The following SRGAP2 variants were observed in gnomAD, a reference collection of about 807,000 sequenced individuals.
SRGAP2 encodes SLIT-ROBO Rho GTPase activating protein 2, also known as SLIT-ROBO Rho GTPase-activating protein 2.
Under a neutral mutation model 57.2 loss-of-function variants are expected in SRGAP2, and 15 were observed. That is an observed-to-expected ratio of 0.26 (90% CI 0.18 to 0.40). The LOEUF (loss-of-function observed/expected upper bound fraction) is 0.40, where lower values mean the gene tolerates loss of function less well. Among genes scored for constraint, SRGAP2 ranks in the 10% least tolerant of loss-of-function variants. The pLI is 1.00. For synonymous variants in SRGAP2, 249 were observed against 248.0 expected (o/e 1.00, Z -0.04); for missense variants, 520 against 669.6 (o/e 0.78, Z 2.47).
chr1:206,430,296 A>G (rs1222489057), intron 14 of SRGAP2, 74 bp downstream of exon 14: 7 of 767,038 alleles, frequency 9.1e-6, no homozygotes, highest in Admixed American at 8.6e-5. Flanking sequence ...TTGTAGAGTA[A>G]GAATAGAGAT....
intron 2 of SRGAP2, among the ~76,000 whole-genome samples, chr1:206,222,878 G>A (rs1232932752): frequency 6.7e-6 from 1 of 149,698 alleles, no homozygotes; most frequent in African/African-American, 2.5e-5. Context: ...GATAAACTGA[G>A]ATAATATATG....
chr1:206,341,833 A>G (rs1571904942), intron 3 of SRGAP2, among the ~76,000 whole-genome samples: 1 of 152,142 alleles, frequency 6.6e-6, no homozygotes, highest in Non-Finnish European at 1.5e-5. Flanking sequence ...ACCCATCTCT[A>G]CTAAAAATAC....
intron 3 of SRGAP2, among the ~76,000 whole-genome samples, chr1:206,341,626 T>C (rs1263463122): frequency 1.3e-5 from 2 of 151,918 alleles, no homozygotes; most frequent in African/African-American, 4.8e-5. Flanking sequence ...AACTTCCAAA[T>C]GTAGAACTTT....
At chr1:206,266,642 A>G (rs1669867157) in intron 2 of SRGAP2, among the ~76,000 whole-genome samples, 1 of 152,056 alleles carries the variant, frequency 6.6e-6, no homozygotes, top group Non-Finnish European at 1.5e-5. Context: ...AGAAAAATAG[A>G]TGGAGCCCTG....
intron 8 of SRGAP2, among the ~76,000 whole-genome samples, chr1:206,404,751 C>T (rs1451186835): frequency 2.0e-5 from 3 of 152,348 alleles, no homozygotes; most frequent in Non-Finnish European, 2.9e-5. Context: ...CCTGGCTTCA[C>T]GCTTTCTCAT....
intron 4 of SRGAP2, among the ~76,000 whole-genome samples, chr1:206,355,592 G>A (rs375813496): frequency 2.5e-4 from 38 of 152,158 alleles, no homozygotes; most frequent in Non-Finnish European, 4.7e-4. Context: ...TCAGTCATTC[G>A]TCTGATAATT....
At chr1:206,327,804 T>C (rs1318145266) in intron 3 of SRGAP2, among the ~76,000 whole-genome samples, 2 of 85,280 alleles carry the variant, frequency 2.3e-5, no homozygotes, top group Admixed American at 1.1e-4. Flanking sequence ...CTACACTGAA[T>C]CATTTTTTTT....
chr1:206,249,563 G>C (rs1164715770), intron 2 of SRGAP2, among the ~76,000 whole-genome samples: 2 of 148,646 alleles, frequency 1.3e-5, no homozygotes, highest in East Asian at 2.1e-4. Flanking sequence ...CGGGCACAGT[G>C]TGGGGAACAT....
intron 2 of SRGAP2, among the ~76,000 whole-genome samples, chr1:206,256,450 A>G (rs1479398783): frequency 6.8e-6 from 1 of 147,570 alleles, no homozygotes; most frequent in Non-Finnish European, 1.5e-5. Flanking sequence ...TTCCCATTCT[A>G]TTGGTGAGGC....
At chr1:206,283,612 G>A (rs1670857968) in intron 2 of SRGAP2, among the ~76,000 whole-genome samples, 1 of 151,162 alleles carries the variant, frequency 6.6e-6, no homozygotes, top group Non-Finnish European at 1.5e-5. Flanking sequence ...GGAGGCAGAG[G>A]CCGCAGTGAG....
Position 206,464,149 on chromosome 1 carries a change from G to T in SRGAP2, c.*2729G>T, listed in dbSNP as rs1001109613. The T allele has an allele frequency of 6.6e-6, 1 of 152,670 alleles. No individual in the cohort carries two copies. Among genetic ancestry groups the T allele is most frequent in the Non-Finnish European group, 1.5e-5 (1 of 68,068 alleles). 9.5% of individuals were successfully genotyped at this position (152,670 alleles called of 1,614,324 possible). A position where few individuals can be genotyped will look rare whatever the true frequency, so the allele number is the denominator to read the frequency against. On this transcript the variant is annotated 3_prime_UTR_variant, in exon 23 of 23. Transcript: ENST00000573034. ...TGGCTTCTCCCCAAGGAGATGAGGAGCGGTGATGCCAGCACCGGGATGCGC... is the reference window on the plus strand; with the variant it reads ...TGGCTTCTCCCCAAGGAGATGAGGATCGGTGATGCCAGCACCGGGATGCGC...
At chr1:206,303,905 C>A (rs1672029003) in intron 3 of SRGAP2, among the ~76,000 whole-genome samples, 1 of 151,844 alleles carries the variant, frequency 6.6e-6, no homozygotes, top group Non-Finnish European at 1.5e-5. Flanking sequence ...CACACACACA[C>A]ACACACACAC....
intron 10 of SRGAP2, 94 bp from the exon 11 acceptor site, chr1:206,415,795 C>CAGA (rs1659650950): frequency 1.4e-6 from 1 of 704,690 alleles, no homozygotes; most frequent in African/African-American, 1.8e-5. Context: ...AACCAAATGA[C>CAGA]CTCTATATAG....
chr1:206,458,029 A>G (rs1663978659), intron 21 of SRGAP2, among the ~76,000 whole-genome samples: 1 of 152,206 alleles, frequency 6.6e-6, no homozygotes, highest in African/African-American at 2.4e-5. Flanking sequence ...CTTGGGAGTC[A>G]TGTAGAGGTA....
chr1:206,458,118 C>T (rs1240109910), intron 21 of SRGAP2, among the ~76,000 whole-genome samples: 2 of 152,220 alleles, frequency 1.3e-5, no homozygotes, highest in Non-Finnish European at 2.9e-5. Flanking sequence ...CTGCTCCATG[C>T]CTACAGAATA....
rs1335176572 is a variant in SRGAP2 at position 206,463,421 on chromosome 1, A to G, written c.*2001A>G. The G allele has an allele frequency of 6.6e-6, 1 of 152,602 alleles. No homozygotes were observed. The highest frequency in any genetic ancestry group is 1.5e-5 in the Non-Finnish European group (1 of 68,038). The allele number at this position is 152,602 out of a possible 1,614,324, so 9.5% of individuals were successfully genotyped here. On this transcript the variant is annotated 3_prime_UTR_variant, in exon 23 of 23. Transcript: ENST00000573034. The stretch of plus-strand genomic sequence containing the variant: ...CCAAGGATCTGTTTCCTTGCTGAAA[A>G]TGAAACCCTATCTTTCACTTTACAT...
intron 13 of SRGAP2, among the ~76,000 whole-genome samples, chr1:206,428,057 G>A (rs964370137): frequency 7.2e-5 from 11 of 152,058 alleles, no homozygotes; most frequent in South Asian, 2.1e-4. Context: ...AGCTATGATC[G>A]CACCACTGCA....
chr1:206,258,354 T>C (rs1553312888), intron 2 of SRGAP2, among the ~76,000 whole-genome samples: 2 of 152,192 alleles, frequency 1.3e-5, no homozygotes, highest in Non-Finnish European at 2.9e-5. Context: ...TATCTGGCCT[T>C]TATAGAAAAA....
intron 2 of SRGAP2, among the ~76,000 whole-genome samples, chr1:206,256,861 A>G (rs1669216094): frequency 6.6e-6 from 1 of 152,048 alleles, no homozygotes. Context: ...TAAATTGGGT[A>G]CTTATTGAGT....
Sources: gnomAD v4.1 joint callset for allele counts (sites outside exome capture counted in the v4.1 genomes callset) on GRCh38, gnomAD v4.1.1 for gene constraint, MANE v1.5 for transcripts, NCBI Gene and HGNC (gene_info 2026-07-23, HGNC 2026-07-21) for gene names.